NRXN3: variants seen among roughly 807,000 people sequenced by gnomAD.
NRXN3 encodes the protein neurexin III.
Under a neutral mutation model 137.6 loss-of-function variants are expected in NRXN3, and 32 were observed. That is an observed-to-expected ratio of 0.23 (90% confidence interval 0.18 to 0.31). NRXN3 has a LOEUF of 0.31. Among genes scored for constraint, NRXN3 ranks in the 10% least tolerant of loss-of-function variants. The probability of loss-of-function intolerance (pLI) is 1.00; values close to 1 mark genes in which losing one functional copy is unlikely to be tolerated. For missense variants in NRXN3, 1,574 were observed against 2,062.5 expected, an observed-to-expected ratio of 0.76 and a Z score of 4.59; for synonymous variants, 798 against 784.5, an observed-to-expected ratio of 1.02 and a Z score of -0.29.
intron 3 of NRXN3, among the ~76,000 whole-genome samples, chr14:78,280,061 G>C (rs559641523): frequency 6.6e-6 from 1 of 152,156 alleles, no homozygotes; most frequent in Non-Finnish European, 1.5e-5. Flanking sequence ...ATGCCATTAA[G>C]TTTATTATTT....
chr14:79,349,759 C>A (rs2093110699), intron 15 of NRXN3, among the ~76,000 whole-genome samples: 1 of 152,084 alleles, frequency 6.6e-6, no homozygotes, highest in Admixed American at 6.6e-5. Flanking sequence ...TCAGTGTGGG[C>A]CCTAATCTGA....
chr14:79,505,794 G>A (rs539305252), intron 16 of NRXN3, among the ~76,000 whole-genome samples: 5 of 152,176 alleles, frequency 3.3e-5, no homozygotes, highest in Non-Finnish European at 7.4e-5. Context: ...GTGTGTATTA[G>A]CTTTTGATTG....
At chr14:78,685,861 C>T (rs1208199296) in intron 6 of NRXN3, among the ~76,000 whole-genome samples, 1 of 148,408 alleles carries the variant, frequency 6.7e-6, no homozygotes, top group Non-Finnish European at 1.5e-5. Flanking sequence ...CAGTGTTAGG[C>T]TGATCTCGAA....
At chr14:79,404,779 T>G (rs771440836) in intron 15 of NRXN3, among the ~76,000 whole-genome samples, 1 of 152,196 alleles carries the variant, frequency 6.6e-6, no homozygotes, top group Non-Finnish European at 1.5e-5. Context: ...TTGTCAAAGT[T>G]TACCGTTTTC....
In NRXN3 at chr14:79,035,643, T is replaced by G. The variant is rs2152508338; in HGVS notation, c.3262+47502T>G. ...ACACATGGTCAAATTTCCTAAAACC[T>G]GAATCTAACTCAATCTAAATTATAT... On this transcript the variant is annotated intron_variant, in intron 15 of 20. Transcript: ENST00000335750. 2.0e-5 allele frequency among the ~76,000 whole-genome samples: 3 copies of G among 152,224 alleles called. No homozygotes were observed. The South Asian group carries it at 6.2e-4, about 31-fold the overall frequency.
rs2099199204 is a variant in NRXN3 at position 79,805,189 on chromosome 14, A to G, written c.4092A>G (p.Thr1364=). The G allele has an allele frequency of 2.5e-6, 4 of 1,613,130 alleles. No individual in the cohort carries two copies. Among genetic ancestry groups the G allele is most frequent in the Non-Finnish European group, 1.7e-6 (2 of 1,179,204 alleles). The change falls in exon 20 of 21, where the codon ACA becomes ACG. Residue 1364 remains threonine (T), a splice_region_variant and synonymous_variant. Transcript: ENST00000335750. ...ACTTTGTTGAATGTGAGCCGAGTAC[A>G]GGTAGGTCAGGTCAGTCTTATTTTG... ...DEDFVECEPS[T]DKSLSTSIFE... is the part of the protein sequence containing the mutation.
chr14:79,723,577 T>C (rs1202387925), intron 19 of NRXN3, among the ~76,000 whole-genome samples: 1 of 152,118 alleles, frequency 6.6e-6, no homozygotes, highest in Non-Finnish European at 1.5e-5. Context: ...TTGCCAAGTC[T>C]CCATTCTCAC....
intron 15 of NRXN3, among the ~76,000 whole-genome samples, chr14:79,097,722 T>C (rs1438900516): frequency 6.6e-6 from 1 of 152,162 alleles, no homozygotes; most frequent in Non-Finnish European, 1.5e-5. Context: ...ATATCTTATA[T>C]AAGTTTAGAA....
At position 79,246,817 on chromosome 14, in the gene NRXN3, A is replaced by G. The variant is rs79213798; in HGVS notation, c.3263-220404A>G. On this transcript the variant is annotated intron_variant, in intron 15 of 20. Transcript: ENST00000335750. ...TAGTGTAGATAAAAATGAGCTGTCC[A>G]TGAAAATTATTAGCTACTCTTGGCA... The G allele has an allele frequency of 7.2e-5, 11 of 152,276 alleles. No individual in the cohort carries two copies. The South Asian group carries it at 1.9e-3, about 26-fold the overall frequency. 9.4% of individuals were successfully genotyped at this position (152,276 alleles called of 1,614,324 possible). A position where few individuals can be genotyped will look rare whatever the true frequency, so the allele number is the denominator to read the frequency against.
chr14:79,433,314 G>C (rs545288201), intron 15 of NRXN3, among the ~76,000 whole-genome samples: 37 of 152,204 alleles, frequency 2.4e-4, no homozygotes, highest in Admixed American at 9.2e-4. Flanking sequence ...GGACTGTTGG[G>C]ACATCCTGGT....
intron 2 of NRXN3, among the ~76,000 whole-genome samples, chr14:78,261,162 T>C (rs2070652070): frequency 6.6e-6 from 1 of 152,134 alleles, no homozygotes; most frequent in Admixed American, 6.5e-5. Context: ...TGGCATTGAA[T>C]GGGGGCGGGG....
Position 79,467,285 on chromosome 14 carries a change from C to T in NRXN3, c.3327C>T (p.Asp1109=). ...TCCTCTACACCTGGCCAGCCAATGA[C>T]AGGCCCAGCACGCGGTCTGACCGCC... is the stretch of plus-strand genomic sequence containing the variant. ...GLILYTWPAN[D]RPSTRSDRLA... Residue 1109 remains aspartate (D), a synonymous_variant, in exon 16 of 21, where the codon GAC becomes GAT. Transcript: ENST00000335750. 1.2e-6 allele frequency: 2 copies of T among 1,613,234 alleles called. No homozygotes were observed. Among genetic ancestry groups the T allele is most frequent in the Non-Finnish European group, 1.7e-6 (2 of 1,179,176 alleles).
At chr14:79,504,980 C>T (rs555306769) in intron 16 of NRXN3, among the ~76,000 whole-genome samples, 113 of 152,128 alleles carry the variant, frequency 7.4e-4, no homozygotes, top group African/African-American at 2.5e-3. Context: ...TTTGGGAGGC[C>T]CAGGTGGGCA....
At position 78,418,751 on chromosome 14, in the gene NRXN3, A is replaced by G. The variant is rs527678254; in HGVS notation, c.757+120891A>G. Among the ~76,000 whole-genome samples, 21 of 152,348 alleles carry G rather than the reference A, an allele frequency of 1.4e-4. 1 individual carries two copies. In the South Asian group the frequency reaches 4.1e-3, roughly 30 times the overall value. On this transcript the variant is annotated intron_variant, in intron 4 of 20. Coordinates refer to ENST00000335750, the MANE Select transcript of NRXN3 (RefSeq NM_001330195.2). ...AGTACTATTAATAATAATGATGTAC[A>G]TATATTGGATGTGTTCAACATGCCA...
At chr14:79,824,860 C>T (rs1474186711) in intron 20 of NRXN3, among the ~76,000 whole-genome samples, 2 of 152,058 alleles carry the variant, frequency 1.3e-5, no homozygotes, top group Admixed American at 6.6e-5. Flanking sequence ...TTACATATAA[C>T]GGATGCATAA....
intron 15 of NRXN3, among the ~76,000 whole-genome samples, chr14:79,007,995 C>T (rs889741507): frequency 3.9e-5 from 6 of 151,990 alleles, no homozygotes; most frequent in Non-Finnish European, 5.9e-5. Context: ...GTGGCTCAAG[C>T]AGGACAGCCC....
At chr14:79,796,852 T>C (rs929600111) in intron 19 of NRXN3, among the ~76,000 whole-genome samples, 2 of 152,220 alleles carry the variant, frequency 1.3e-5, no homozygotes, top group Non-Finnish European at 2.9e-5. Flanking sequence ...TGTAGTCTGC[T>C]GTCTTTAGTG....
intron 16 of NRXN3, among the ~76,000 whole-genome samples, chr14:79,633,741 G>A (rs1051415938): frequency 3.3e-5 from 5 of 152,290 alleles, no homozygotes; most frequent in African/African-American, 1.2e-4. Context: ...AGCAAAAGAT[G>A]GGTGGTAACA....
chr14:78,464,262 G>C (rs1227692902), intron 4 of NRXN3, among the ~76,000 whole-genome samples: 1 of 152,180 alleles, frequency 6.6e-6, no homozygotes, highest in South Asian at 2.1e-4. Context: ...CACCGTGTTG[G>C]CCAGACTGGT....
Sources: allele counts gnomAD v4.1 joint callset (sites outside exome capture counted in the v4.1 genomes callset), GRCh38; gene constraint gnomAD v4.1.1; transcripts MANE v1.5; gene names NCBI Gene and HGNC (gene_info 2026-07-23, HGNC 2026-07-21).